The following SEMA3D variants were observed in gnomAD, a reference collection of about 807,000 sequenced individuals.
SEMA3D encodes the protein semaphorin-3D.
In SEMA3D, 84 loss-of-function variants were observed where a neutral mutation model predicts 100.1. The observed-to-expected ratio is 0.84, with a 90% CI of 0.70 to 1.01. The LOEUF (loss-of-function observed/expected upper bound fraction) is 1.01. SEMA3D is among the 50% of genes least tolerant of loss of function. SEMA3D has a pLI of 0.00. For synonymous variants in SEMA3D, 312 were observed against 320.7 expected (o/e 0.97, Z 0.29); for missense variants, 875 against 934.1 (o/e 0.94, Z 0.82).
chr7:85,141,769 G>T (rs1790057301), intron 2 of SEMA3D: 2 of 811,088 alleles, frequency 2.5e-6, no homozygotes, highest in Admixed American at 6.3e-5. Context: ...CAAGGTTTTT[G>T]CCAAGTCTCA....
At chr7:85,214,976 G>A in the SEMA3D span, among the ~76,000 whole-genome samples, 3 of 151,970 alleles carry the variant, frequency 2.0e-5, no homozygotes, top group African/African-American at 4.8e-5. Flanking sequence ...GAAAAATATT[G>A]TTTCCCTATC....
At chr7:85,032,999 T>G (rs1429675480) in intron 12 of SEMA3D, among the ~76,000 whole-genome samples, 1 of 152,040 alleles carries the variant, frequency 6.6e-6, no homozygotes. Context: ...TGTTTACATA[T>G]TTTTAAAGGC....
rs570686690 is a variant in SEMA3D at position 85,152,246 on chromosome 7, T to G, written c.-41+1362A>C. On this transcript the variant is annotated intron_variant, in intron 2 of 18. Transcript: ENST00000284136. ...GTAAATAAGTAATGAATGAATTACCTCTTACTGATTGTTAGAATAAGCCAA... is the reference window on the plus strand; with the variant it reads ...GTAAATAAGTAATGAATGAATTACCGCTTACTGATTGTTAGAATAAGCCAA... 4.6e-5 allele frequency among the ~76,000 whole-genome samples: 7 copies of G among 152,216 alleles called. No homozygotes were observed. In the South Asian group the frequency reaches 1.4e-3, roughly 32 times the overall value.
At chr7:85,204,874 T>C in the SEMA3D span, among the ~76,000 whole-genome samples, 1 of 152,078 alleles carries the variant, frequency 6.6e-6, no homozygotes, top group Non-Finnish European at 1.5e-5. Context: ...ACTCTCTATA[T>C]CTTGAAATAA....
intron 1 of SEMA3D, among the ~76,000 whole-genome samples, chr7:85,154,825 AT>A (rs1790536876): frequency 6.6e-6 from 1 of 152,190 alleles, no homozygotes; most frequent in Admixed American, 6.6e-5. Context: ...TGAACACATA[AT>A]CTAAAGAGAA....
intron 8 of SEMA3D, among the ~76,000 whole-genome samples, chr7:85,064,207 T>C (rs1252362223): frequency 3.3e-5 from 5 of 152,166 alleles, no homozygotes; most frequent in Non-Finnish European, 7.3e-5. Flanking sequence ...ATCTTATACT[T>C]CATTTTAAGC....
chr7:85,071,586 G>GTGTGA (rs1202190573), intron 6 of SEMA3D, among the ~76,000 whole-genome samples: 1 of 152,172 alleles, frequency 6.6e-6, no homozygotes, highest in Non-Finnish European at 1.5e-5. Flanking sequence ...TGTCATCATT[G>GTGTGA]TGTGAACATC....
the SEMA3D span, among the ~76,000 whole-genome samples, chr7:85,245,282 C>T: frequency 6.6e-6 from 1 of 152,154 alleles, no homozygotes; most frequent in South Asian, 2.1e-4. Flanking sequence ...AACAAGAGAA[C>T]CTGCAGAGGC....
intron 2 of SEMA3D, among the ~76,000 whole-genome samples, chr7:85,139,587 T>G (rs182704458): frequency 4.3e-4 from 65 of 152,116 alleles, no homozygotes; most frequent in Non-Finnish European, 5.9e-5. Flanking sequence ...ATAATGAAAA[T>G]GTTTCTAAAG....
intron 12 of SEMA3D, among the ~76,000 whole-genome samples, chr7:85,025,456 G>C (rs1472046840): frequency 6.6e-6 from 1 of 151,938 alleles, no homozygotes; most frequent in African/African-American, 2.4e-5. Flanking sequence ...GCAAGTCTGC[G>C]TGTTTGTCTA....
intron 3 of SEMA3D, among the ~76,000 whole-genome samples, chr7:85,119,940 G>A (rs1002763829): frequency 2.0e-5 from 3 of 150,346 alleles, no homozygotes; most frequent in Admixed American, 1.3e-4. Flanking sequence ...AACCCTTTCC[G>A]AGTCGCACCA....
At chr7:85,050,011 A>T (rs528941380) in intron 9 of SEMA3D, among the ~76,000 whole-genome samples, 1 of 150,666 alleles carries the variant, frequency 6.6e-6, no homozygotes, top group Admixed American at 6.6e-5. Flanking sequence ...AATTGCAAGC[A>T]AGTCTCACCG....
the SEMA3D span, among the ~76,000 whole-genome samples, chr7:85,236,979 T>C: frequency 6.6e-6 from 1 of 152,200 alleles, no homozygotes; most frequent in African/African-American, 2.4e-5. Context: ...TTGTATTTTT[T>C]TACCCAGTTT....
upstream of SEMA3D, among the ~76,000 whole-genome samples, chr7:85,188,275 C>G (rs1791616612): frequency 6.6e-6 from 1 of 152,168 alleles, no homozygotes; most frequent in Non-Finnish European, 1.5e-5. Context: ...TCAAATCTGA[C>G]CAAGGCTCTT....
intron 4 of SEMA3D, among the ~76,000 whole-genome samples, chr7:85,096,949 T>C (rs1229688161): frequency 2.0e-5 from 3 of 151,834 alleles, no homozygotes; most frequent in Non-Finnish European, 4.4e-5. Context: ...CAACTGCTCC[T>C]AATCTTTTTT....
Position 85,097,697 on chromosome 7 carries a change from T to C in SEMA3D, c.312+108A>G, listed in dbSNP as rs1446963160. 1.0e-5 allele frequency: 6 copies of C among 578,112 alleles called. No individual in the cohort carries two copies. In the East Asian group the frequency reaches 1.4e-4, roughly 14 times the overall value. 35.8% of individuals were successfully genotyped at this position (578,112 alleles called of 1,614,324 possible). On this transcript the variant is annotated intron_variant, in intron 4 of 18. Coordinates refer to ENST00000284136, the MANE Select transcript of SEMA3D (RefSeq NM_001384900.1). ...ATGCTGCTTTTTGACATGTATGTGA[T>C]GCACTGCATTTGACACTGTGTCCCT...
chr7:85,201,766 G>A, the SEMA3D span, among the ~76,000 whole-genome samples: 1 of 151,464 alleles, frequency 6.6e-6, no homozygotes. Context: ...TGTCTCCCAG[G>A]CTGGAGCTGG....
rs912856141 is a variant in SEMA3D at position 84,998,383 on chromosome 7, A to G, written c.*1057T>C. ...TATAAATAAAATGTCTACTCTTCCT[A>G]TGATTCTTCAGAAGAATTTATGTTT... is the stretch of plus-strand genomic sequence containing the variant. On this transcript the variant is annotated 3_prime_UTR_variant, in exon 19 of 19. Transcript: ENST00000284136. The G allele has an allele frequency of 3.3e-5, 5 of 152,152 alleles. No individual in the cohort carries two copies. The highest frequency in any genetic ancestry group is 2.6e-4 in the Admixed American group (4 of 15,278). 9.4% of individuals were successfully genotyped at this position (152,152 alleles called of 1,614,324 possible).
At chr7:85,026,184 G>A (rs1790385639) in intron 12 of SEMA3D, among the ~76,000 whole-genome samples, 1 of 151,998 alleles carries the variant, frequency 6.6e-6, no homozygotes, top group South Asian at 2.1e-4. Context: ...GATATCCAGA[G>A]TCTAGTCCTG....
Sources: allele counts gnomAD v4.1 joint callset (sites outside exome capture counted in the v4.1 genomes callset), GRCh38; gene constraint gnomAD v4.1.1; transcripts MANE v1.5; gene names NCBI Gene and HGNC (gene_info 2026-07-23, HGNC 2026-07-21).